Variants in IMPG1 observed in about 807,000 individuals in gnomAD.
The protein encoded by IMPG1 is interphotoreceptor matrix proteoglycan of 150 kDa.
A neutral mutation model predicts 92.0 loss-of-function variants in IMPG1; 85 were observed. The observed-to-expected ratio is 0.92, with a 90% CI of 0.78 to 1.11. IMPG1 has a LOEUF of 1.11. Ranked by LOEUF, IMPG1 falls within the 50% of genes least tolerant of loss-of-function variation. IMPG1 has a pLI of 0.00. For missense variants in IMPG1, 1,022 were observed against 956.0 expected, an observed-to-expected ratio of 1.07 and a Z score of -0.91; for synonymous variants, 367 against 334.1, an observed-to-expected ratio of 1.10 and a Z score of -1.08.
At chr6:76,068,265 A>G (rs1184844096) in intron 1 of IMPG1, among the ~76,000 whole-genome samples, 2 of 152,156 alleles carry the variant, frequency 1.3e-5, no homozygotes, top group Admixed American at 1.3e-4. Flanking sequence ...GCTGCTGATG[A>G]TATGATCTTA....
intron 12 of IMPG1, among the ~76,000 whole-genome samples, chr6:75,965,836 T>C (rs1168639143): frequency 2.0e-5 from 3 of 152,278 alleles, no homozygotes; most frequent in East Asian, 1.9e-4. Context: ...CTCGATCTCC[T>C]GACCTTGTGA....
chr6:76,016,798 T>C (rs1007080269), intron 7 of IMPG1, among the ~76,000 whole-genome samples: 10 of 152,294 alleles, frequency 6.6e-5, no homozygotes, highest in African/African-American at 2.4e-4. Context: ...ACTGAGTAGT[T>C]AACTGCATCC....
At chr6:76,038,596 A>G (rs1389338967) in intron 2 of IMPG1, among the ~76,000 whole-genome samples, 1 of 152,168 alleles carries the variant, frequency 6.6e-6, no homozygotes, top group African/African-American at 2.4e-5. Flanking sequence ...CAGGGCTGGG[A>G]GGGACCTGAA....
At chr6:75,952,522 T>G (rs2149458281) in intron 12 of IMPG1, among the ~76,000 whole-genome samples, 1 of 152,306 alleles carries the variant, frequency 6.6e-6, no homozygotes, top group East Asian at 1.9e-4. Context: ...GGAGGGTACC[T>G]GCGTGTGTCT....
intron 6 of IMPG1, among the ~76,000 whole-genome samples, chr6:76,021,525 A>G (rs545958405): frequency 3.9e-4 from 60 of 151,970 alleles, no homozygotes; most frequent in African/African-American, 1.4e-3. Flanking sequence ...AAATTCTGTA[A>G]CCATCCTCTC....
At chr6:75,994,079 T>C (rs1279529888) in intron 12 of IMPG1, among the ~76,000 whole-genome samples, 1 of 152,168 alleles carries the variant, frequency 6.6e-6, no homozygotes, top group African/African-American at 2.4e-5. Flanking sequence ...CAAATACCAC[T>C]CCTGCAGTGT....
intron 12 of IMPG1, among the ~76,000 whole-genome samples, chr6:75,975,922 T>A (rs958282299): frequency 3.3e-5 from 5 of 152,234 alleles, no homozygotes; most frequent in African/African-American, 1.2e-4. Flanking sequence ...AAATATAATT[T>A]TCATATGTCA....
rs777154892 is a variant in IMPG1 at position 75,950,597 on chromosome 6, C to T, written c.1789G>A (p.Glu597Lys). ...SNDLFNKSSL[E>K]YRALEQQFTQ... Reference sequence around the variant, plus strand: ...AATTGTTGCTCCAGAGCTCGGTACTCCAGAGAGCTCTTGTTGAACAGGTCG... The same window carrying T: ...AATTGTTGCTCCAGAGCTCGGTACTTCAGAGAGCTCTTGTTGAACAGGTCG... Residue 597 changes from glutamate to lysine, a missense_variant, in exon 13 of 17, where the codon GAG becomes AAG. Physicochemically the swap from Glu to Lys is moderately conservative, Grantham distance 56. Coordinates refer to ENST00000369950, the MANE Select transcript of IMPG1 (RefSeq NM_001563.4). 3.7e-6 allele frequency: 6 copies of T among 1,612,996 alleles called. No homozygotes were observed. Among genetic ancestry groups the T allele is most frequent in the Middle Eastern group, 3.3e-4 (2 of 6,042 alleles).
chr6:76,023,377 T>C (rs1404042446), intron 5 of IMPG1, among the ~76,000 whole-genome samples: 1 of 152,204 alleles, frequency 6.6e-6, no homozygotes, highest in Non-Finnish European at 1.5e-5. Context: ...TTTGTTACAA[T>C]AAAAAAGTAC....
intron 15 of IMPG1, among the ~76,000 whole-genome samples, chr6:75,930,667 T>C (rs1781649017): frequency 6.6e-6 from 1 of 152,148 alleles, no homozygotes; most frequent in Non-Finnish European, 1.5e-5. Flanking sequence ...CTATTGGTCT[T>C]AAGGAACCCT....
At chr6:76,069,604 C>T (rs1486458012) in intron 1 of IMPG1, among the ~76,000 whole-genome samples, 1 of 151,948 alleles carries the variant, frequency 6.6e-6, no homozygotes, top group African/African-American at 2.4e-5. Context: ...ACCATTTGAC[C>T]CAGCAATCCC....
chr6:75,936,676 C>T (rs1781751992), intron 14 of IMPG1, among the ~76,000 whole-genome samples: 1 of 152,098 alleles, frequency 6.6e-6, no homozygotes, highest in South Asian at 2.1e-4. Flanking sequence ...CACATCTTGC[C>T]CTGGATGTGA....
At chr6:76,001,533 A>T (rs1406858900) in intron 12 of IMPG1, among the ~76,000 whole-genome samples, 1 of 152,172 alleles carries the variant, frequency 6.6e-6, no homozygotes, top group Admixed American at 6.5e-5. Flanking sequence ...AGATATTAGA[A>T]TACTGACACT....
chr6:75,982,603 GTA>G lies in IMPG1; in HGVS notation c.1291+20313_1291+20314del, dbSNP rs995938392. 5.2e-3 allele frequency among the ~76,000 whole-genome samples: 768 copies of G among 148,766 alleles called. 3 individuals are homozygous for G. Among genetic ancestry groups the G allele is most frequent in the African/African-American group, 0.018 (715 of 39,936 alleles). On this transcript the variant is annotated intron_variant, in intron 12 of 16. Transcript: ENST00000369950. ...TATATATAGATATATATATGTGTGT[GTA>G]TATATATATGTGTGTGTATATATAT...
rs1175199498 is a variant in IMPG1, at chr6:75,991,403, A to C, written c.1291+11515T>G. On this transcript the variant is annotated intron_variant, in intron 12 of 16. Coordinates refer to ENST00000369950, the MANE Select transcript of IMPG1 (RefSeq NM_001563.4). ...AAGACTCTGCCTTGGAAATAAAAAA[A>C]AAAAAAGGCAAAAGAGGCAGACACA... Among the ~76,000 whole-genome samples, 5 of 152,180 alleles carry C rather than the reference A, an allele frequency of 3.3e-5. 1 individual carries two copies. Among genetic ancestry groups the C allele is most frequent in the African/African-American group, 9.6e-5 (4 of 41,496 alleles).
In IMPG1 at chr6:76,043,517, A is replaced by G. The variant is rs181354813; in HGVS notation, c.68-1391T>C. ...GGGCAGAGGTACATTCTTAGGAAAG[A>G]ATCTCCAGGAAGGGAGGAAATTTAT... is the stretch of plus-strand genomic sequence containing the variant. On this transcript the variant is annotated intron_variant, in intron 1 of 16. Transcript: ENST00000369950. Among the ~76,000 whole-genome samples the G allele has an allele frequency of 4.6e-5, 7 of 152,270 alleles. No individual in the cohort carries two copies. The East Asian group carries it at 1.2e-3, about 25-fold the overall frequency.
intron 12 of IMPG1, 97 bp from the exon 13 acceptor site, chr6:75,951,191 A>C: frequency 1.1e-6 from 1 of 897,148 alleles, no homozygotes; most frequent in Non-Finnish European, 1.7e-6. Flanking sequence ...TTAAGAAAAT[A>C]CATAGCATTT....
intron 2 of IMPG1, among the ~76,000 whole-genome samples, chr6:76,035,029 TGTGC>T (rs1783715595): frequency 6.6e-6 from 1 of 152,056 alleles, no homozygotes; most frequent in South Asian, 2.1e-4. Context: ...TGTGTGTGTG[TGTGC>T]AAAACTGCAG....
chr6:75,923,691 A>G lies in IMPG1; in HGVS notation c.2259T>C (p.Ser753=). Residue 753 remains serine, a synonymous_variant, in exon 16 of 17, where the codon TCT becomes TCC. Coordinates refer to ENST00000369950, the MANE Select transcript of IMPG1 (RefSeq NM_001563.4). ...CACTAGTTTTGTATGCTTGATTTTCAGAGTGATCTGGCAACCTACAAAAGA... is the reference window on the plus strand; with the variant it reads ...CACTAGTTTTGTATGCTTGATTTTCGGAGTGATCTGGCAACCTACAAAAGA... The part of the protein sequence containing the change: ...KGAPCRLPDH[S]ENQAYKTSVK... The G allele has an allele frequency of 6.3e-6, 10 of 1,596,422 alleles. No homozygotes were observed. The highest frequency in any genetic ancestry group is 8.6e-6 in the Non-Finnish European group (10 of 1,165,336).
Sources: gnomAD v4.1 joint callset for allele counts (sites outside exome capture counted in the v4.1 genomes callset) on GRCh38, gnomAD v4.1.1 for gene constraint, MANE v1.5 for transcripts, NCBI Gene and HGNC (gene_info 2026-07-23, HGNC 2026-07-21) for gene names.